Variants in THBS3 observed in about 807,000 individuals in gnomAD.
The protein encoded by THBS3 is thrombospondin-3.
THBS3 carries 78 observed loss-of-function variants against 118.3 expected under a neutral mutation model. The ratio of observed to expected loss-of-function variants is 0.66; its 90% CI spans 0.55 to 0.80. THBS3 has a LOEUF of 0.80. Ranked by LOEUF, THBS3 falls within the 30% of genes least tolerant of loss-of-function variation. The pLI is 0.00. For synonymous variants in THBS3, 427 were observed against 475.3 expected, an observed-to-expected ratio of 0.90 and a Z score of 1.32; for missense variants, 1,057 against 1,247.4, an observed-to-expected ratio of 0.85 and a Z score of 2.30.
At chr1:155,205,891 C>G (rs1670475474) in intron 2 of THBS3, among the ~76,000 whole-genome samples, 2 of 152,206 alleles carry the variant, frequency 1.3e-5, no homozygotes, top group Non-Finnish European at 2.9e-5. Flanking sequence ...TTCCAGGGAT[C>G]TGAAAGACCT....
chr1:155,208,779 T>C, upstream of THBS3: 2 of 1,448,806 alleles, frequency 1.4e-6, no homozygotes, highest in Non-Finnish European at 1.8e-6. Flanking sequence ...CAGGGCCCGC[T>C]CCAAACATAA....
At position 155,197,773 on chromosome 1, in the gene THBS3, T is replaced by A; in HGVS notation, c.2302+107A>T. ...ATGTGGCCAGCTTGTGCCACTGCCTTCTCTCTCGCCACTTTGCCCATTCTC... is the reference window on the plus strand; with the variant it reads ...ATGTGGCCAGCTTGTGCCACTGCCTACTCTCTCGCCACTTTGCCCATTCTC... On this transcript the variant is annotated intron_variant, in intron 19 of 22. Coordinates refer to ENST00000368378, the MANE Select transcript of THBS3 (RefSeq NM_007112.5). This position sits in a 1 kb window ranked among gnomAD's most constrained non-coding sequence, Gnocchi z 5.0. 2.5e-6 allele frequency: 4 copies of A among 1,592,366 alleles called. No homozygotes were observed. In the South Asian group the frequency reaches 4.4e-5, roughly 18 times the overall value.
chr1:155,206,450 G>A lies in THBS3; in HGVS notation c.80-44C>T. ...TCAAGGTTAGAGAATGGGATCAAAT[G>A]CTAAGGTATGCCCTCCCCCGAGCCC... On this transcript the variant is annotated intron_variant, in intron 1 of 22. Coordinates refer to ENST00000368378, the MANE Select transcript of THBS3 (RefSeq NM_007112.5). The surrounding 1 kb of genome is among the most constrained non-coding windows in gnomAD (Gnocchi z 4.2). 2 of 1,568,738 alleles carry A rather than the reference G, an allele frequency of 1.3e-6. No homozygotes were observed. Among genetic ancestry groups the A allele is most frequent in the Non-Finnish European group, 1.7e-6 (2 of 1,144,426 alleles).
chr1:155,196,535 A>G (rs1002183499), intron 21 of THBS3: 4 of 229,702 alleles, frequency 1.7e-5, no homozygotes, highest in African/African-American at 4.5e-5. Context: ...TTGGCCATGG[A>G]AAGTCCAGCC....
At position 155,205,059 on chromosome 1, in the gene THBS3, C is replaced by T. The variant is rs756169184; in HGVS notation, c.543+1G>A. The T allele has an allele frequency of 6.2e-7, 1 of 1,613,132 alleles. No homozygotes were observed. The highest frequency in any genetic ancestry group is 8.5e-7 in the Non-Finnish European group (1 of 1,179,336). On this transcript the variant is annotated splice_donor_variant, in intron 3 of 22. Coordinates refer to ENST00000368378, the MANE Select transcript of THBS3 (RefSeq NM_007112.5). LOFTEE classifies it high-confidence loss of function. ...GAACTCAGAGGCTCCTCCCGGCTCA[C>T]CTGCATCCTCAAATACGCCTTCTGT... is the stretch of plus-strand genomic sequence containing the variant.
chr1:155,200,336 C>A, intron 14 of THBS3, 115 bp downstream of exon 14: 1 of 1,375,592 alleles, frequency 7.3e-7, no homozygotes, highest in South Asian at 1.3e-5. Flanking sequence ...CCCAGGCCAA[C>A]GTCCACAAGC....
upstream of THBS3, chr1:155,208,711 G>GGGC: frequency 9.7e-6 from 6 of 619,148 alleles, no homozygotes; most frequent in Non-Finnish European, 1.4e-5. Context: ...GCCCCAGCCC[G>GGGC]GCCTCCGCTC....
At position 155,198,161 on chromosome 1, in the gene THBS3, G is replaced by C. The variant is rs1472501524; in HGVS notation, c.2134C>G (p.Leu712Val). 5.6e-6 allele frequency: 9 copies of C among 1,614,052 alleles called. No homozygotes were observed. Among genetic ancestry groups the C allele is most frequent in the Non-Finnish European group, 7.6e-6 (9 of 1,180,054 alleles). Residue 712 changes from leucine to valine, a missense_variant, in exon 18 of 23, where the codon CTG becomes GTG. By Grantham distance (32) the Leu-to-Val change is conservative. This residue lies in a region of THBS3 where 307 missense variants were observed against 326.1 expected (regional missense o/e 0.94). Coordinates refer to ENST00000368378, the MANE Select transcript of THBS3 (RefSeq NM_007112.5). Reference sequence around the variant, plus strand: ...TCTGCACTTTCAGGACACACATCCAGGGGGTCGACCACAGCATCATTGTCA... The same window carrying C: ...TCTGCACTTTCAGGACACACATCCACGGGGTCGACCACAGCATCATTGTCA... Reference protein sequence around the residue: ...DFDNDAVVDPLDVCPESAEVT... With the variant: ...DFDNDAVVDPVDVCPESAEVT...
At position 155,202,493 on chromosome 1, in the gene THBS3, C is replaced by G. The variant is rs879059761; in HGVS notation, c.958-92G>C. ...CCAGGAACCATTGCTCCAGGTCTCC[C>G]CTTTGTGCAGCTCTCCCCACACAAC... On this transcript the variant is annotated intron_variant, in intron 8 of 22. Transcript: ENST00000368378. This position sits in a 1 kb window ranked among gnomAD's most constrained non-coding sequence, Gnocchi z 5.5. 22 of 1,532,492 alleles carry G rather than the reference C, an allele frequency of 1.4e-5. No homozygotes were observed. In the East Asian group the frequency reaches 3.6e-4, roughly 25 times the overall value. 94.9% of individuals were successfully genotyped at this position (1,532,492 alleles called of 1,614,324 possible).
At position 155,201,139 on chromosome 1, in the gene THBS3, T is replaced by A. The variant is rs764210168; in HGVS notation, c.1395A>T (p.Pro465=). ...TGTCCATGCAGGGCAGTGCTTGGTC[T>A]GGGTAGCCATCGATGTCTGTGTCAG... ...CGTDTDIDGY[P]DQALPCMDNN... Residue 465 remains proline (P), a synonymous_variant, in exon 12 of 23, where the codon CCA becomes CCT. Transcript: ENST00000368378. The A allele has an allele frequency of 6.1e-5, 99 of 1,614,118 alleles. 1 individual carries two copies. In the Admixed American group the frequency reaches 1.4e-3, roughly 23 times the overall value.
At position 155,200,028 on chromosome 1, in the gene THBS3, G is replaced by C; in HGVS notation, c.1794C>G (p.Cys598Trp). ...DRDEDGVGDA[C>W]DSCPEMSNPT... ...GATTGCTCATTTCAGGGCAGCTGTCGCAAGCATCTCCCACCCCGTCCTCAT... is the reference window on the plus strand; with the variant it reads ...GATTGCTCATTTCAGGGCAGCTGTCCCAAGCATCTCCCACCCCGTCCTCAT... The change falls in exon 15 of 23, where the codon TGC (cysteine) becomes TGG (tryptophan). Residue 598 changes from cysteine to tryptophan, a missense_variant. Cys to Trp is a radical substitution (Grantham distance 215, BLOSUM62 -2). Coordinates refer to ENST00000368378, the MANE Select transcript of THBS3 (RefSeq NM_007112.5). 6.2e-7 allele frequency: 1 copy of C among 1,602,166 alleles called. No individual in the cohort carries two copies. Among genetic ancestry groups the C allele is most frequent in the Non-Finnish European group, 8.5e-7 (1 of 1,173,280 alleles).
chr1:155,209,152 C>G, upstream of THBS3: 1 of 1,517,424 alleles, frequency 6.6e-7, no homozygotes, highest in East Asian at 2.5e-5. Flanking sequence ...CCCCAGGCCC[C>G]CTGACCGCAA....
At position 155,204,311 on chromosome 1, in the gene THBS3, C is replaced by T. The variant is rs1018917801; in HGVS notation, c.646+544G>A. 4.0e-5 allele frequency among the ~76,000 whole-genome samples: 6 copies of T among 151,072 alleles called. No individual in the cohort carries two copies. The East Asian group carries it at 6.1e-4, about 15-fold the overall frequency. On this transcript the variant is annotated intron_variant, in intron 4 of 22. Transcript: ENST00000368378. ...AACTATAAAAGACTCGAGACCAGGC[C>T]GGGCGCGGTGGCTTACGCCTGTAAT...
Position 155,197,223 on chromosome 1 carries a change from A to G in THBS3, c.2500-10T>C. 6.2e-7 allele frequency: 1 copy of G among 1,611,104 alleles called. No individual in the cohort carries two copies. The highest frequency in any genetic ancestry group is 8.5e-7 in the Non-Finnish European group (1 of 1,177,478). ...ACACTGATGTCACTGCCTAGGAGAC[A>G]TTGGCAAAGACAGTGGGTCAACTGC... On this transcript the variant is annotated splice_polypyrimidine_tract_variant and intron_variant, in intron 20 of 22. Coordinates refer to ENST00000368378, the MANE Select transcript of THBS3 (RefSeq NM_007112.5). This position sits in a 1 kb window ranked among gnomAD's most constrained non-coding sequence, Gnocchi z 5.0.
chr1:155,208,757 C>T, upstream of THBS3: 1 of 1,392,744 alleles, frequency 7.2e-7, no homozygotes. Flanking sequence ...GTTTCCATGG[C>T]GACAGGCGGC....
In THBS3 at chr1:155,206,098, C is replaced by T; in HGVS notation, c.286+102G>A. 7.1e-7 allele frequency: 1 copy of T among 1,400,854 alleles called. No individual in the cohort carries two copies. The highest frequency in any genetic ancestry group is 9.9e-7 in the Non-Finnish European group (1 of 1,014,302). 86.8% of individuals were successfully genotyped at this position (1,400,854 alleles called of 1,614,324 possible). A position where few individuals can be genotyped will look rare whatever the true frequency, so the allele number is the denominator to read the frequency against. On this transcript the variant is annotated intron_variant, in intron 2 of 22. Coordinates refer to ENST00000368378, the MANE Select transcript of THBS3 (RefSeq NM_007112.5). The surrounding 1 kb of genome is among the most constrained non-coding windows in gnomAD (Gnocchi z 4.2). ...GCACAGCCTGATGGGACCTTGGTCC[C>T]TAGTGGAGGCCAAGGAGAATGAGGA...
chr1:155,205,384 C>T, intron 2 of THBS3, 68 bp from the exon 3 acceptor site: 1 of 1,577,038 alleles, frequency 6.3e-7, no homozygotes, highest in Non-Finnish European at 8.6e-7. Context: ...AGCCTTGGAT[C>T]AACTCTGCTA....
chr1:155,197,778 C>G lies in THBS3; in HGVS notation c.2302+102G>C, dbSNP rs1009512112. The stretch of plus-strand genomic sequence containing the variant: ...GCCAGCTTGTGCCACTGCCTTCTCT[C>G]TCGCCACTTTGCCCATTCTCCCTGT... On this transcript the variant is annotated intron_variant, in intron 19 of 22. Transcript: ENST00000368378. The surrounding 1 kb of genome is among the most constrained non-coding windows in gnomAD (Gnocchi z 5.0). 5 of 1,596,070 alleles carry G rather than the reference C, an allele frequency of 3.1e-6. No individual in the cohort carries two copies. The highest frequency in any genetic ancestry group is 1.8e-4 in the Middle Eastern group (1 of 5,624).
At position 155,200,521 on chromosome 1, in the gene THBS3, G is replaced by C; in HGVS notation, c.1638C>G (p.Pro546=). The part of the protein sequence containing the change: ...GDACDNCPNV[P]NNDQKDTDGN... Reference sequence around the variant, plus strand: ...CATCTGTGTCCTTCTGGTCATTGTTGGGAACGTTGGGGCAATTGTCACAGG... The same window carrying C: ...CATCTGTGTCCTTCTGGTCATTGTTCGGAACGTTGGGGCAATTGTCACAGG... The change falls in exon 14 of 23, where the codon CCC becomes CCG. Residue 546 remains proline (P), a synonymous_variant. Coordinates refer to ENST00000368378, the MANE Select transcript of THBS3 (RefSeq NM_007112.5). 1 of 1,614,100 alleles carries C rather than the reference G, an allele frequency of 6.2e-7. No individual in the cohort carries two copies. Among genetic ancestry groups the C allele is most frequent in the South Asian group, 1.1e-5 (1 of 91,082 alleles).
Sources: allele counts gnomAD v4.1 joint callset (sites outside exome capture counted in the v4.1 genomes callset), GRCh38; gene constraint gnomAD v4.1.1; regional missense constraint gnomAD v4.1.1; non-coding constraint Gnocchi (gnomAD v3.1); transcripts MANE v1.5; gene names NCBI Gene and HGNC (gene_info 2026-07-23, HGNC 2026-07-21).